The following DOP1B variants were observed in gnomAD, a reference collection of about 807,000 sequenced individuals.
DOP1B encodes DOP1 leucine zipper like protein B, also known as protein DOP1B.
DOP1B carries 174 observed loss-of-function variants against 233.5 expected under a neutral mutation model. That is an observed-to-expected ratio of 0.75 (90% CI 0.66 to 0.85). The LOEUF is 0.85. Ranked by LOEUF, DOP1B falls within the 40% of genes least tolerant of loss-of-function variation. The pLI is 0.00. For missense variants in DOP1B, 2,652 were observed against 2,846.6 expected (o/e 0.93, Z 1.56); for synonymous variants, 1,190 against 1,185.6 (o/e 1.00, Z -0.08).
intron 4 of DOP1B, among the ~76,000 whole-genome samples, chr21:36,208,073 C>T (rs746330020): frequency 5.3e-5 from 8 of 152,186 alleles, no homozygotes; most frequent in African/African-American, 9.7e-5. Context: ...AACAAATGCC[C>T]GGCCTCAGCA....
intron 5 of DOP1B, 50 bp from the exon 6 acceptor site, chr21:36,211,503 T>C (rs765241940): frequency 6.4e-7 from 1 of 1,553,318 alleles, no homozygotes; most frequent in South Asian, 1.1e-5. Context: ...TTCGTTTTTA[T>C]GACCATAAAG....
chr21:36,289,735 T>C (rs2067535529), intron 35 of DOP1B, among the ~76,000 whole-genome samples: 1 of 152,190 alleles, frequency 6.6e-6, no homozygotes, highest in Non-Finnish European at 1.5e-5. Flanking sequence ...TAGAAATGTT[T>C]GTGGTTAAAG....
intron 36 of DOP1B, among the ~76,000 whole-genome samples, chr21:36,292,847 C>G (rs1296011001): frequency 6.6e-6 from 1 of 152,078 alleles, no homozygotes; most frequent in Non-Finnish European, 1.5e-5. Flanking sequence ...CTCCTGACCT[C>G]AGGTGATCCG....
At chr21:36,277,774 C>T (rs531497322) in intron 28 of DOP1B, among the ~76,000 whole-genome samples, 4 of 152,036 alleles carry the variant, frequency 2.6e-5, no homozygotes, top group South Asian at 4.2e-4. Flanking sequence ...CCTGCCTCAG[C>T]CTCCTGAGTA....
chr21:36,278,282 C>G lies in DOP1B; in HGVS notation c.5896C>G (p.Arg1966Gly). The G allele has an allele frequency of 6.2e-7, 1 of 1,614,078 alleles. No homozygotes were observed. Among genetic ancestry groups the G allele is most frequent in the South Asian group, 1.1e-5 (1 of 91,084 alleles). Residue 1966 changes from arginine (R) to glycine (G), a missense_variant, in exon 30 of 37, where the codon CGA becomes GGA. Physicochemically the swap from Arg to Gly is moderately radical, Grantham distance 125 (BLOSUM62 -2). Coordinates refer to ENST00000691173, the MANE Select transcript of DOP1B (RefSeq NM_001320714.2). ...CCTGAGTGGCTATGCCTACACAAAG[C>G]GAGCCTGGAGGAAGGAGGTCCTGGA... ...SSLSGYAYTK[R>G]AWRKEVLELF...
chr21:36,292,041 C>T (rs1347506696), intron 35 of DOP1B, 63 bp from the exon 36 acceptor site: 6 of 1,514,744 alleles, frequency 4.0e-6, no homozygotes, highest in Middle Eastern at 1.9e-4. Context: ...CTTAATAAAA[C>T]TAATTTTAAC....
chr21:36,189,084 T>G (rs375576965), intron 2 of DOP1B, among the ~76,000 whole-genome samples: 16 of 152,338 alleles, frequency 1.1e-4, no homozygotes, highest in African/African-American at 3.8e-4. Context: ...CACAGAATGC[T>G]TCTAAATCAT....
At position 36,230,933 on chromosome 21, in the gene DOP1B, T is replaced by C. The variant is rs754144742; in HGVS notation, c.2149T>C (p.Ser717Pro). 3.7e-6 allele frequency: 6 copies of C among 1,614,020 alleles called. No homozygotes were observed. In the South Asian group the frequency reaches 6.6e-5, roughly 18 times the overall value. Reference protein sequence around the residue: ...FKTKSSESPSSSPSSPARKNG... With the variant: ...FKTKSSESPSPSPSSPARKNG... Reference sequence around the variant, plus strand: ...GACAAAAAGTTCAGAGTCACCATCGTCTTCGCCCAGCAGCCCTGCCAGGAA... The same window carrying C: ...GACAAAAAGTTCAGAGTCACCATCGCCTTCGCCCAGCAGCCCTGCCAGGAA... Residue 717 changes from serine to proline, a missense_variant, in exon 14 of 37, where the codon TCT (serine) becomes CCT (proline). By Grantham distance (74) the Ser-to-Pro change is moderately conservative. This residue lies in a region of DOP1B where 2,617 missense variants were observed against 2,794.3 expected (regional missense o/e 0.94). Coordinates refer to ENST00000691173, the MANE Select transcript of DOP1B (RefSeq NM_001320714.2).
chr21:36,239,620 C>A, intron 17 of DOP1B, 145 bp from the exon 18 acceptor site: 1 of 862,506 alleles, frequency 1.2e-6, no homozygotes, highest in Non-Finnish European at 1.7e-6. Context: ...CCCCATTGTG[C>A]TCATCTACTT....
In DOP1B at chr21:36,237,431, G is replaced by T; in HGVS notation, c.2775+17G>T. On this transcript the variant is annotated intron_variant, in intron 16 of 36. Coordinates refer to ENST00000691173, the MANE Select transcript of DOP1B (RefSeq NM_001320714.2). The stretch of plus-strand genomic sequence containing the variant: ...CCTGACAAGGTGAGCCTTTCTGGCC[G>T]CCACCTCCATCCTGCAGCACCCCGG... 2.5e-6 allele frequency: 4 copies of T among 1,612,932 alleles called. No individual in the cohort carries two copies. Among genetic ancestry groups the T allele is most frequent in the Non-Finnish European group, 3.4e-6 (4 of 1,179,868 alleles).
intron 2 of DOP1B, among the ~76,000 whole-genome samples, chr21:36,173,785 G>A (rs1475914232): frequency 6.6e-6 from 1 of 151,502 alleles, no homozygotes; most frequent in African/African-American, 2.4e-5. Flanking sequence ...TACCAAGCCT[G>A]ATTTACAGCT....
chr21:36,260,839 T>C, intron 24 of DOP1B, 107 bp downstream of exon 24: 1 of 1,555,358 alleles, frequency 6.4e-7, no homozygotes, highest in Non-Finnish European at 8.6e-7. Flanking sequence ...AGAGAGCCAT[T>C]GTTCAGAAAA....
chr21:36,274,646 G>C (rs1360889913), intron 27 of DOP1B, among the ~76,000 whole-genome samples: 1 of 152,050 alleles, frequency 6.6e-6, no homozygotes, highest in East Asian at 1.9e-4. Context: ...AGTGCAACAG[G>C]AAGGGGCAAC....
intron 23 of DOP1B, among the ~76,000 whole-genome samples, chr21:36,258,578 C>T (rs898061159): frequency 2.6e-5 from 4 of 152,090 alleles, no homozygotes; most frequent in Middle Eastern, 3.2e-3. Context: ...ACATATGACA[C>T]GGGGCAGCCC....
At chr21:36,289,314 G>C (rs999076176) in intron 35 of DOP1B, 108 bp downstream of exon 35, 3 of 1,178,714 alleles carry the variant, frequency 2.5e-6, no homozygotes, top group Non-Finnish European at 3.6e-6. Context: ...ACCACCATCT[G>C]GGTTTCTAGT....
At chr21:36,227,426 A>G (rs539959979) in intron 12 of DOP1B, among the ~76,000 whole-genome samples, 300 of 151,374 alleles carry the variant, frequency 2.0e-3, no homozygotes, top group Non-Finnish European at 3.4e-3. Context: ...GGGCACCTGT[A>G]GTCCCAGCTG....
chr21:36,265,196 G>A (rs2067217815), intron 26 of DOP1B, among the ~76,000 whole-genome samples: 1 of 152,308 alleles, frequency 6.6e-6, no homozygotes, highest in Middle Eastern at 3.4e-3. Flanking sequence ...AGGGGTTCAA[G>A]ACCAGCCTGG....
At chr21:36,214,043 A>G (rs762613310) in intron 7 of DOP1B, 38 bp from the exon 8 acceptor site, 1 of 1,490,088 alleles carries the variant, frequency 6.7e-7, no homozygotes, top group Non-Finnish European at 9.2e-7. Flanking sequence ...CTTTAAAAGC[A>G]CAGCTCTCTT....
intron 2 of DOP1B, 144 bp downstream of exon 2, chr21:36,165,015 T>C: frequency 1.3e-6 from 1 of 751,674 alleles, no homozygotes; most frequent in Non-Finnish European, 1.8e-6. Context: ...CTTTATATTA[T>C]TTCAAGGAAA....
Sources: gnomAD v4.1 joint callset for allele counts (sites outside exome capture counted in the v4.1 genomes callset) on GRCh38, gnomAD v4.1.1 for gene constraint, gnomAD v4.1.1 regional missense constraint, MANE v1.5 for transcripts, NCBI Gene and HGNC (gene_info 2026-07-23, HGNC 2026-07-21) for gene names.